Variants in CSMD1 observed in about 807,000 individuals in gnomAD.
The protein encoded by CSMD1 is CUB and Sushi multiple domains 1.
A neutral mutation model predicts 417.5 loss-of-function variants in CSMD1; 213 were observed. The observed-to-expected ratio is 0.51, with a 90% CI of 0.46 to 0.57. The LOEUF (loss-of-function observed/expected upper bound fraction) is 0.57. Ranked by LOEUF, CSMD1 falls within the 20% of genes least tolerant of loss-of-function variation. The probability of loss-of-function intolerance (pLI) is 0.00; values close to 1 mark genes in which losing one functional copy is unlikely to be tolerated. For synonymous variants in CSMD1, 2,862 were observed against 1,736.8 expected, an observed-to-expected ratio of 1.65 and a Z score of -16.11; for missense variants, 6,923 against 4,529.7, an observed-to-expected ratio of 1.53 and a Z score of -15.17.
At chr8:3,219,214 A>T (rs1306694438) in intron 29 of CSMD1, 41 bp downstream of exon 29, 13 of 1,505,646 alleles carry the variant, frequency 8.6e-6, no homozygotes, top group Non-Finnish European at 1.2e-5. Context: ...AACAGTCCTG[A>T]TACAAATTAA....
intron 3 of CSMD1, among the ~76,000 whole-genome samples, chr8:4,042,231 C>G (rs569114280): frequency 6.6e-6 from 1 of 152,184 alleles, no homozygotes; most frequent in South Asian, 2.1e-4. Flanking sequence ...TCACACATGT[C>G]AAAATCAAGG....
intron 57 of CSMD1, among the ~76,000 whole-genome samples, chr8:2,968,992 C>G (rs1387431271): frequency 6.6e-6 from 1 of 151,984 alleles, no homozygotes; most frequent in South Asian, 2.1e-4. Context: ...TAGTACTGTT[C>G]ATTTTGCATG....
At chr8:4,589,398 A>G (rs1051264961) in intron 2 of CSMD1, among the ~76,000 whole-genome samples, 3 of 152,190 alleles carry the variant, frequency 2.0e-5, no homozygotes, top group African/African-American at 7.2e-5. Context: ...ACCAAAAACC[A>G]ATGATAGTAA....
At chr8:3,718,996 G>C (rs554803434) in intron 6 of CSMD1, among the ~76,000 whole-genome samples, 5 of 152,108 alleles carry the variant, frequency 3.3e-5, no homozygotes, top group African/African-American at 1.2e-4. Flanking sequence ...GGCAGAACAA[G>C]GGGTGAGACA....
At chr8:4,555,428 T>C (rs897723860) in intron 2 of CSMD1, among the ~76,000 whole-genome samples, 6 of 152,092 alleles carry the variant, frequency 3.9e-5, no homozygotes, top group Non-Finnish European at 7.4e-5. Flanking sequence ...AGACCAGATT[T>C]GGACATGCTG....
chr8:3,897,782 G>C (rs1301810023), intron 5 of CSMD1, among the ~76,000 whole-genome samples: 2 of 152,014 alleles, frequency 1.3e-5, no homozygotes, highest in Non-Finnish European at 2.9e-5. Context: ...GCTTTCCTTT[G>C]GCCCAGATGG....
At chr8:3,455,889 G>T (rs1453604443) in intron 12 of CSMD1, among the ~76,000 whole-genome samples, 1 of 152,194 alleles carries the variant, frequency 6.6e-6, no homozygotes, top group Non-Finnish European at 1.5e-5. Flanking sequence ...CTTTTGTTTG[G>T]CTATGCCCTG....
intron 5 of CSMD1, among the ~76,000 whole-genome samples, chr8:3,889,397 C>T (rs1288072967): frequency 4.3e-5 from 6 of 140,556 alleles, no homozygotes; most frequent in South Asian, 2.3e-4. Flanking sequence ...TTTTTACTAA[C>T]ATTAAATAAT....
chr8:4,367,246 C>T (rs10111289), intron 3 of CSMD1, among the ~76,000 whole-genome samples: 96,814 of 151,952 alleles, frequency 0.64, 30,927 homozygotes, highest in African/African-American at 0.7. Flanking sequence ...GGGGTCCAGT[C>T]TCATAAGTCC....
chr8:4,697,268 T>C (rs899062341), intron 1 of CSMD1, among the ~76,000 whole-genome samples: 4 of 152,148 alleles, frequency 2.6e-5, no homozygotes, highest in Admixed American at 6.5e-5. Flanking sequence ...TTAGAACATA[T>C]AGCAAGACAA....
chr8:3,693,357 A>T (rs936326724), intron 7 of CSMD1, among the ~76,000 whole-genome samples: 5 of 152,244 alleles, frequency 3.3e-5, no homozygotes, highest in African/African-American at 9.6e-5. Context: ...TGTCCAAGAA[A>T]TGATAAAATC....
chr8:3,666,781 T>A (rs1172937321), intron 7 of CSMD1, among the ~76,000 whole-genome samples: 1 of 152,222 alleles, frequency 6.6e-6, no homozygotes, highest in Non-Finnish European at 1.5e-5. Flanking sequence ...CCTTTAGCCT[T>A]CCATCATGAT....
intron 1 of CSMD1, among the ~76,000 whole-genome samples, chr8:4,986,821 T>C (rs560864820): frequency 3.0e-4 from 46 of 152,276 alleles, no homozygotes; most frequent in Non-Finnish European, 5.9e-4. Flanking sequence ...AATTTCATAG[T>C]ATAGTATATT....
At chr8:4,230,351 G>C (rs548111734) in intron 3 of CSMD1, among the ~76,000 whole-genome samples, 1 of 152,090 alleles carries the variant, frequency 6.6e-6, no homozygotes. Context: ...AAATCAAGCC[G>C]AGTAAACTCT....
At chr8:3,480,275 T>C (rs1036261385) in intron 11 of CSMD1, among the ~76,000 whole-genome samples, 1 of 152,094 alleles carries the variant, frequency 6.6e-6, no homozygotes, top group Non-Finnish European at 1.5e-5. Context: ...GGCAGAAGAA[T>C]TGCTTGAACC....
At chr8:3,707,606 C>A (rs1208434232) in intron 7 of CSMD1, among the ~76,000 whole-genome samples, 3 of 152,166 alleles carry the variant, frequency 2.0e-5, no homozygotes, top group African/African-American at 7.2e-5. Flanking sequence ...AAGCTGGTAC[C>A]CAGTAACTGT....
At chr8:3,992,507 G>T (rs1256086305) in intron 5 of CSMD1, among the ~76,000 whole-genome samples, 1 of 152,206 alleles carries the variant, frequency 6.6e-6, no homozygotes, top group African/African-American at 2.4e-5. Flanking sequence ...ATATGGGACT[G>T]GCTGTTGTGG....
chr8:4,207,526 T>G (rs1007880553), intron 3 of CSMD1, among the ~76,000 whole-genome samples: 3 of 152,178 alleles, frequency 2.0e-5, no homozygotes, highest in African/African-American at 7.2e-5. Flanking sequence ...AACTGAAGTT[T>G]TAGTTTCAAA....
intron 2 of CSMD1, among the ~76,000 whole-genome samples, chr8:4,437,630 C>G (rs1352590922): frequency 6.6e-6 from 1 of 152,196 alleles, no homozygotes; most frequent in Admixed American, 6.5e-5. Context: ...CCAAGCCTTT[C>G]CAGATCCCAG....
Sources: gnomAD v4.1 joint callset for allele counts (sites outside exome capture counted in the v4.1 genomes callset) on GRCh38, gnomAD v4.1.1 for gene constraint, MANE v1.5 for transcripts, NCBI Gene and HGNC (gene_info 2026-07-23, HGNC 2026-07-21) for gene names.